The following GXYLT2 variants were observed in gnomAD, a reference collection of about 807,000 sequenced individuals.
The protein encoded by GXYLT2 is glucoside xylosyltransferase 2, also known as glycosyltransferase 8 domain containing 4.
Under a neutral mutation model 45.8 loss-of-function variants are expected in GXYLT2, and 53 were observed. That is an observed-to-expected ratio of 1.16 (90% CI 0.93 to 1.46). The LOEUF is 1.46. GXYLT2 is among the 40% of genes most tolerant of loss of function. The pLI is 0.00. For synonymous variants in GXYLT2, 219 were observed against 214.2 expected, an observed-to-expected ratio of 1.02 and a Z score of -0.19; for missense variants, 551 against 544.4, an observed-to-expected ratio of 1.01 and a Z score of -0.12.
intron 2 of GXYLT2, among the ~76,000 whole-genome samples, chr3:72,911,993 GTATA>G (rs1288910128): frequency 5.7e-4 from 70 of 122,904 alleles, no homozygotes; most frequent in Non-Finnish European, 8.2e-4. Context: ...GTGTGTGTGT[GTATA>G]TATATATATA....
chr3:72,921,116 C>T lies in GXYLT2; in HGVS notation c.469-1088C>T, dbSNP rs890362199. ...GATTACAGGTGTGAGCCACCACGCC[C>T]GGCCTCATGCATATATTTTTTCCTA... On this transcript the variant is annotated intron_variant, in intron 2 of 6. Transcript: ENST00000389617. Among the ~76,000 whole-genome samples, 9 of 151,860 alleles carry T rather than the reference C, an allele frequency of 5.9e-5. No individual in the cohort carries two copies. In the South Asian group the frequency reaches 8.3e-4, roughly 14 times the overall value.
intron 3 of GXYLT2, among the ~76,000 whole-genome samples, chr3:72,933,347 A>G (rs1398946605): frequency 6.6e-6 from 1 of 152,218 alleles, no homozygotes; most frequent in Non-Finnish European, 1.5e-5. Flanking sequence ...TTAGCATCAT[A>G]GTATTAGATG....
chr3:72,953,471 G>A (rs1221659803), intron 3 of GXYLT2, among the ~76,000 whole-genome samples: 5 of 151,934 alleles, frequency 3.3e-5, no homozygotes, highest in Admixed American at 3.3e-4. Flanking sequence ...TCTATTTTTT[G>A]ATAAAGATGG....
At chr3:72,946,621 AG>A (rs1710412783) in intron 3 of GXYLT2, among the ~76,000 whole-genome samples, 2 of 152,024 alleles carry the variant, frequency 1.3e-5, no homozygotes, top group East Asian at 3.9e-4. Flanking sequence ...GGGGTGAGAG[AG>A]CTCTCCGAGG....
intron 3 of GXYLT2, among the ~76,000 whole-genome samples, chr3:72,950,815 G>T (rs574063511): frequency 1.3e-5 from 2 of 152,198 alleles, no homozygotes; most frequent in Non-Finnish European, 2.9e-5. Context: ...GCCCCTGATC[G>T]TCTTGCTGCC....
intron 1 of GXYLT2, among the ~76,000 whole-genome samples, chr3:72,889,331 A>G (rs1259060613): frequency 1.3e-5 from 2 of 152,200 alleles, no homozygotes; most frequent in African/African-American, 4.8e-5. Flanking sequence ...TGCCCTTTCA[A>G]AACTGTTGTT....
chr3:72,934,959 T>C (rs1710149517), intron 3 of GXYLT2, among the ~76,000 whole-genome samples: 1 of 152,168 alleles, frequency 6.6e-6, no homozygotes, highest in Non-Finnish European at 1.5e-5. Flanking sequence ...TCCAATGATG[T>C]GCATAGCTGA....
chr3:72,910,991 T>C (rs1709607226), intron 2 of GXYLT2, among the ~76,000 whole-genome samples: 3 of 152,084 alleles, frequency 2.0e-5, no homozygotes, highest in Admixed American at 2.0e-4. Flanking sequence ...AGACTTGGAC[T>C]TTAAAAGGGG....
At chr3:72,911,052 G>A (rs1172766802) in intron 2 of GXYLT2, among the ~76,000 whole-genome samples, 1 of 152,162 alleles carries the variant, frequency 6.6e-6, no homozygotes, top group Non-Finnish European at 1.5e-5. Context: ...AGCACTTTGC[G>A]AAGCTGAGGC....
intron 3 of GXYLT2, 42 bp from the exon 4 acceptor site, chr3:72,955,056 C>T (rs1274095600): frequency 1.9e-6 from 3 of 1,591,794 alleles, no homozygotes; most frequent in Admixed American, 1.8e-5. Context: ...GTTTTGTTTT[C>T]TTCCCTCCTC....
At chr3:72,948,651 A>G (rs1710457204) in intron 3 of GXYLT2, among the ~76,000 whole-genome samples, 2 of 152,194 alleles carry the variant, frequency 1.3e-5, no homozygotes, top group Non-Finnish European at 2.9e-5. Context: ...ATCCTGGCCA[A>G]CATGGTGAAA....
chr3:72,910,512 A>G (rs1036757791), intron 2 of GXYLT2, among the ~76,000 whole-genome samples: 4 of 152,136 alleles, frequency 2.6e-5, no homozygotes, highest in Non-Finnish European at 2.9e-5. Context: ...GATCTGTAAT[A>G]TGGATAGGTC....
At position 72,888,342 on chromosome 3, in the gene GXYLT2, G is replaced by GCGCGCCCCGCGTC; in HGVS notation, c.113_125dup (p.Gln44ArgfsTer96). 2.0e-6 allele frequency: 2 copies of GCGCGCCCCGCGTC among 983,224 alleles called. No homozygotes were observed. The highest frequency in any genetic ancestry group is 2.4e-6 in the Non-Finnish European group (2 of 830,314). The allele number at this position is 983,224 out of a possible 1,614,324, so 60.9% of individuals were successfully genotyped here. A position where few individuals can be genotyped will look rare whatever the true frequency, so the allele number is the denominator to read the frequency against. ...CCGCGCTGAGCCCCCAGCGCTGCCC[G>GCGCGCCCCGCGTC]CGCGCCCCGCGTCCGCCCCGCAGCG... is the stretch of plus-strand genomic sequence containing the variant. On this transcript the variant is annotated frameshift_variant, in exon 1 of 7. Coordinates refer to ENST00000389617, the MANE Select transcript of GXYLT2 (RefSeq NM_001080393.2). LOFTEE classifies it high-confidence loss of function.
intron 3 of GXYLT2, among the ~76,000 whole-genome samples, chr3:72,951,935 G>A (rs1356683235): frequency 2.6e-5 from 4 of 150,994 alleles, no homozygotes; most frequent in Non-Finnish European, 5.9e-5. Flanking sequence ...TCTGCCTCCC[G>A]GGTTCAAGGG....
intron 1 of GXYLT2, 59 bp downstream of exon 1, chr3:72,888,567 G>A: frequency 9.3e-7 from 1 of 1,077,014 alleles, no homozygotes; most frequent in Non-Finnish European, 1.1e-6. Flanking sequence ...CCCTACACCC[G>A]TGCCAAGTCC....
intron 1 of GXYLT2, among the ~76,000 whole-genome samples, chr3:72,889,877 C>A (rs1054757206): frequency 1.3e-5 from 2 of 150,906 alleles, no homozygotes; most frequent in Non-Finnish European, 2.9e-5. Flanking sequence ...CCTTCCCCCC[C>A]ACCGCTGTTT....
At chr3:72,894,769 A>C (rs80330153) in intron 1 of GXYLT2, among the ~76,000 whole-genome samples, 2 of 152,174 alleles carry the variant, frequency 1.3e-5, no homozygotes, top group African/African-American at 4.8e-5. Flanking sequence ...TGAGGGGAGG[A>C]TGGCAAGTGA....
At chr3:72,952,477 G>A (rs1415826532) in intron 3 of GXYLT2, among the ~76,000 whole-genome samples, 5 of 152,090 alleles carry the variant, frequency 3.3e-5, no homozygotes, top group Admixed American at 1.3e-4. Flanking sequence ...TACTTGTATC[G>A]TGTAGCACCC....
intron 3 of GXYLT2, among the ~76,000 whole-genome samples, chr3:72,933,075 G>A (rs1710072057): frequency 6.6e-6 from 1 of 152,164 alleles, no homozygotes; most frequent in African/African-American, 2.4e-5. Flanking sequence ...TGGAAACAAT[G>A]CCTGGCACAT....
Sources: allele counts gnomAD v4.1 joint callset (sites outside exome capture counted in the v4.1 genomes callset), GRCh38; gene constraint gnomAD v4.1.1; transcripts MANE v1.5; gene names NCBI Gene and HGNC (gene_info 2026-07-23, HGNC 2026-07-21).